Variants in DEFB126 observed in about 807,000 individuals in gnomAD.
The protein encoded by DEFB126 is beta-defensin 126.
A neutral mutation model predicts 2.5 loss-of-function variants in DEFB126; 2 were observed. That is an observed-to-expected ratio of 0.79 (90% CI 0.32 to 2.49). The LOEUF (loss-of-function observed/expected upper bound fraction) is 2.49. DEFB126 is among the 30% of genes most tolerant of loss of function. The pLI, the probability that DEFB126 is intolerant of heterozygous loss-of-function variation, is 0.11. For synonymous variants in DEFB126, 51 were observed against 45.4 expected, an observed-to-expected ratio of 1.12 and a Z score of -0.50; for missense variants, 136 against 135.4, an observed-to-expected ratio of 1.00 and a Z score of -0.02.
chr20:144,371 G>C (rs113661792), intron 1 of DEFB126, among the ~76,000 whole-genome samples: 13 of 151,970 alleles, frequency 8.6e-5, no homozygotes, highest in African/African-American at 2.2e-4. Context: ...ATTCAAAAAC[G>C]TTTGCTCTGT....
At chr20:144,833 TTTTA>T (rs1307795106) in intron 1 of DEFB126, among the ~76,000 whole-genome samples, 2 of 152,114 alleles carry the variant, frequency 1.3e-5, no homozygotes, top group African/African-American at 2.4e-5. Flanking sequence ...GATGAAAATT[TTTTA>T]TTTATCTTTC....
At position 145,728 on chromosome 20, in the gene DEFB126, G is replaced by A. The variant is rs769042688; in HGVS notation, c.*36G>A. The A allele has an allele frequency of 1.6e-5, 25 of 1,588,926 alleles. No homozygotes were observed. Among genetic ancestry groups the A allele is most frequent in the East Asian group, 1.3e-4 (6 of 44,742 alleles). On this transcript the variant is annotated 3_prime_UTR_variant, in exon 2 of 2. Coordinates refer to ENST00000382398, the MANE Select transcript of DEFB126 (RefSeq NM_030931.4). ...CTCTGTCTCCTGCTCTAGGATCCCC[G>A]ACTCATTAAAGCAAAGAGGCTTATT... is the stretch of plus-strand genomic sequence containing the variant.
rs200600942 is a variant in DEFB126 at position 145,501 on chromosome 20, T to C, written c.145T>C (p.Trp49Arg). ...KPEEMHVKNG[W>R]AMCGKQRDCC... ...TGAAGAGATGCATGTAAAGAATGGT[T>C]GGGCAATGTGCGGCAAACAAAGGGA... The change falls in exon 2 of 2, where the codon TGG becomes CGG. Residue 49 changes from tryptophan to arginine, a missense_variant. Coordinates refer to ENST00000382398, the MANE Select transcript of DEFB126 (RefSeq NM_030931.4). 6.9e-5 allele frequency: 111 copies of C among 1,609,616 alleles called. No homozygotes were observed. Among genetic ancestry groups the C allele is most frequent in the Non-Finnish European group, 9.2e-5 (108 of 1,178,890 alleles).
chr20:143,611 G>T (rs1161436915), intron 1 of DEFB126, among the ~76,000 whole-genome samples: 2 of 152,168 alleles, frequency 1.3e-5, no homozygotes, highest in Middle Eastern at 3.4e-3. Flanking sequence ...ATATATCATT[G>T]TGAGATTCTC....
Position 145,609 on chromosome 20 carries a change from G to T in DEFB126, c.253G>T (p.Ala85Ser), listed in dbSNP as rs2054664461. The change falls in exon 2 of 2, where the codon GCA becomes TCA. Residue 85 changes from alanine to serine, a missense_variant. By Grantham distance (99) the Ala-to-Ser change is moderately conservative. Coordinates refer to ENST00000382398, the MANE Select transcript of DEFB126 (RefSeq NM_030931.4). ...GACTACAAGAATTTCAACAGTAACA[G>T]CAACAACAGCAACAACAACTTTGAT... The part of the protein sequence containing the change: ...TKTTRISTVT[A>S]TTATTTLMMT... The T allele has an allele frequency of 9.3e-6, 15 of 1,613,906 alleles. No individual in the cohort carries two copies. In the East Asian group the frequency reaches 3.3e-4, roughly 36 times the overall value.
chr20:143,608 A>G (rs77244014), intron 1 of DEFB126, among the ~76,000 whole-genome samples: 6,685 of 152,156 alleles, frequency 0.044, 200 homozygotes, highest in African/African-American at 0.085. Flanking sequence ...TTAATATATC[A>G]TTGTGAGATT....
At chr20:142,916 AG>A (rs2054653826) in intron 1 of DEFB126, among the ~76,000 whole-genome samples, 1 of 152,134 alleles carries the variant, frequency 6.6e-6, no homozygotes, top group African/African-American at 2.4e-5. Flanking sequence ...AATCCCATAC[AG>A]TTGCCTCCAA....
In DEFB126 at chr20:145,675, G is replaced by T. The variant is rs79041881; in HGVS notation, c.319G>T (p.Val107Phe). Residue 107 changes from valine to phenylalanine, a missense_variant, in exon 2 of 2, where the codon GTT becomes TTT. Transcript: ENST00000382398. ...ASMSSMAPTP[V>F]SPTG ...GATGTCTTCGATGGCTCCTACCCCCGTTTCTCCCACTGGTTGAACATTCCA... is the reference window on the plus strand; with the variant it reads ...GATGTCTTCGATGGCTCCTACCCCCTTTTCTCCCACTGGTTGAACATTCCA... 1 of 1,561,550 alleles carries T rather than the reference G, an allele frequency of 6.4e-7. No homozygotes were observed. Among genetic ancestry groups the T allele is most frequent in the Non-Finnish European group, 8.7e-7 (1 of 1,144,662 alleles).
chr20:144,322 A>T (rs2123017134), intron 1 of DEFB126, among the ~76,000 whole-genome samples: 1 of 152,242 alleles, frequency 6.6e-6, no homozygotes, highest in Non-Finnish European at 1.5e-5. Flanking sequence ...TCAGAGGAGG[A>T]TTAAACAGCT....
At chr20:143,697 A>T (rs751149045) in intron 1 of DEFB126, among the ~76,000 whole-genome samples, 15 of 152,108 alleles carry the variant, frequency 9.9e-5, no homozygotes, top group Non-Finnish European at 1.9e-4. Context: ...ACTGGCACAT[A>T]TTGCCAATGG....
At position 145,669 on chromosome 20, in the gene DEFB126, ACC is replaced by A. The variant is rs11467417; in HGVS notation, c.317_318del (p.Pro106ArgfsTer?). ...TGCTTCGATGTCTTCGATGGCTCCT[ACC>A]CCCGTTTCTCCCACTGGTTGAACAT... ...TTASMSSMAP[T>X]PVSPTG On this transcript the variant is annotated frameshift_variant, in exon 2 of 2. Coordinates refer to ENST00000382398, the MANE Select transcript of DEFB126 (RefSeq NM_030931.4). LOFTEE classifies it high-confidence loss of function. 0.56 allele frequency: 898,987 copies of A among 1,611,132 alleles called. 252,198 individuals carry two copies. The highest frequency in any genetic ancestry group is 0.6 in the Middle Eastern group (3,649 of 6,052).
At chr20:145,383 G>T in intron 1 of DEFB126, 32 bp from the exon 2 acceptor site, 1 of 1,596,864 alleles carries the variant, frequency 6.3e-7, no homozygotes, top group East Asian at 2.2e-5. Flanking sequence ...TAAATACTTA[G>T]GCTTAATAAT....
intron 1 of DEFB126, 87 bp downstream of exon 1, chr20:142,773 T>C: frequency 7.0e-7 from 1 of 1,420,634 alleles, no homozygotes; most frequent in Non-Finnish European, 9.9e-7. Context: ...TCTGTGGAAA[T>C]GGGGTCTGGC....
chr20:144,580 T>C (rs2054660073), intron 1 of DEFB126, among the ~76,000 whole-genome samples: 1 of 152,130 alleles, frequency 6.6e-6, no homozygotes. Context: ...CATCATATAC[T>C]TGTTGATTAA....
At chr20:144,834 TTTA>T (rs2054661027) in intron 1 of DEFB126, among the ~76,000 whole-genome samples, 1 of 152,156 alleles carries the variant, frequency 6.6e-6, no homozygotes, top group African/African-American at 2.4e-5. Flanking sequence ...ATGAAAATTT[TTTA>T]TTTATCTTTC....
Position 142,601 on chromosome 20 carries a change from T to C in DEFB126, c.-28T>C, listed in dbSNP as rs1042251324. ...CAGAGTCATACTGAATAGAGACTTCTGGACTCTATAGAACCCACTGCCTCC... is the reference window on the plus strand; with the variant it reads ...CAGAGTCATACTGAATAGAGACTTCCGGACTCTATAGAACCCACTGCCTCC... On this transcript the variant is annotated 5_prime_UTR_variant, in exon 1 of 2. Transcript: ENST00000382398. The C allele has an allele frequency of 1.9e-6, 3 of 1,611,590 alleles. No individual in the cohort carries two copies. The highest frequency in any genetic ancestry group is 1.3e-5 in the African/African-American group (1 of 74,852).
At chr20:145,336 T>C (rs575457625) in intron 1 of DEFB126, 79 bp from the exon 2 acceptor site, 2 of 1,385,702 alleles carry the variant, frequency 1.4e-6, no homozygotes, top group Admixed American at 2.2e-5. Flanking sequence ...GAATAAACAG[T>C]GCTCAAAAAC....
chr20:142,935 A>G (rs1444434631), intron 1 of DEFB126, among the ~76,000 whole-genome samples: 1 of 152,134 alleles, frequency 6.6e-6, no homozygotes, highest in Non-Finnish European at 1.5e-5. Flanking sequence ...CAAAGGTAGA[A>G]ATGATCTTGA....
At chr20:145,136 A>G (rs1022971327) in intron 1 of DEFB126, among the ~76,000 whole-genome samples, 2 of 152,156 alleles carry the variant, frequency 1.3e-5, no homozygotes, top group African/African-American at 4.8e-5. Flanking sequence ...ACAACATGCT[A>G]TATATTTTCC....
Sources: allele counts gnomAD v4.1 joint callset (sites outside exome capture counted in the v4.1 genomes callset), GRCh38; gene constraint gnomAD v4.1.1; transcripts MANE v1.5; gene names NCBI Gene and HGNC (gene_info 2026-07-23, HGNC 2026-07-21).